PPME1: variants seen among roughly 807,000 people sequenced by gnomAD.
PPME1 encodes the protein protein phosphatase methylesterase 1.
In PPME1, 17 loss-of-function variants were observed where a neutral mutation model predicts 56.9. The observed-to-expected ratio is 0.30, with a 90% confidence interval of 0.20 to 0.45. The LOEUF (loss-of-function observed/expected upper bound fraction) is 0.45, where lower values mean the gene tolerates loss of function less well. PPME1 is among the 20% of genes least tolerant of loss of function. The pLI, the probability that PPME1 is intolerant of heterozygous loss-of-function variation, is 1.00. For synonymous variants in PPME1, 122 were observed against 156.2 expected (o/e 0.78, Z 1.63); for missense variants, 357 against 483.2 (o/e 0.74, Z 2.45).
chr11:74,197,224 A>G (rs995747128), intron 1 of PPME1, among the ~76,000 whole-genome samples: 4 of 152,232 alleles, frequency 2.6e-5, no homozygotes, highest in African/African-American at 9.6e-5. Context: ...ATTTAATAAT[A>G]GTAATAAATA....
intron 11 of PPME1, chr11:74,248,262 C>T (rs1254040845): frequency 4.6e-5 from 7 of 152,216 alleles, no homozygotes; most frequent in Non-Finnish European, 8.8e-5. Context: ...CAGGCAGAAT[C>T]TGTTCTAGAC....
chr11:74,220,262 T>C (rs939206549), intron 3 of PPME1, among the ~76,000 whole-genome samples: 1 of 152,142 alleles, frequency 6.6e-6, no homozygotes, highest in Non-Finnish European at 1.5e-5. Flanking sequence ...TCTGAGATAA[T>C]CTGGTGAAAT....
intron 1 of PPME1, among the ~76,000 whole-genome samples, chr11:74,197,461 A>G (rs1169452303): frequency 6.6e-6 from 1 of 152,218 alleles, no homozygotes; most frequent in Non-Finnish European, 1.5e-5. Context: ...GATTAGTTTT[A>G]TGATAAATAG....
At chr11:74,214,763 CTT>C (rs1239514044) in intron 3 of PPME1, among the ~76,000 whole-genome samples, 1 of 151,598 alleles carries the variant, frequency 6.6e-6, no homozygotes, top group Non-Finnish European at 1.5e-5. Context: ...AGAATAAAGA[CTT>C]TCCCAGACAC....
chr11:74,234,771 G>C (rs1038977750), intron 7 of PPME1, among the ~76,000 whole-genome samples: 4 of 152,226 alleles, frequency 2.6e-5, no homozygotes, highest in Non-Finnish European at 5.9e-5. Flanking sequence ...GGAGTAATAG[G>C]TAGTAGTGAA....
At chr11:74,243,918 AAAC>A (rs1414403188) in intron 9 of PPME1, among the ~76,000 whole-genome samples, 2 of 152,104 alleles carry the variant, frequency 1.3e-5, no homozygotes, top group African/African-American at 2.4e-5. Flanking sequence ...TATGCCTATT[AAAC>A]AACAACTCCC....
chr11:74,202,571 G>A (rs1021000492), intron 1 of PPME1, among the ~76,000 whole-genome samples: 12 of 152,110 alleles, frequency 7.9e-5, no homozygotes, highest in Admixed American at 4.6e-4. Flanking sequence ...AAGATGTCTG[G>A]CAAGAGGTAA....
chr11:74,232,675 T>TTC (rs1859097026), intron 7 of PPME1, among the ~76,000 whole-genome samples: 1 of 123,646 alleles, frequency 8.1e-6, no homozygotes, highest in African/African-American at 3.3e-5. Context: ...TTATCCAAAC[T>TTC]TTTTTTTTTT....
chr11:74,208,262 A>G (rs541422286), intron 3 of PPME1, among the ~76,000 whole-genome samples: 1 of 151,438 alleles, frequency 6.6e-6, no homozygotes, highest in South Asian at 2.1e-4. Flanking sequence ...CAGTGAGTCG[A>G]GATCGTGCCA....
intron 3 of PPME1, among the ~76,000 whole-genome samples, chr11:74,206,527 AAAG>A (rs1160890253): frequency 4.6e-5 from 7 of 152,192 alleles, no homozygotes; most frequent in Admixed American, 3.9e-4. Context: ...TGCCTGAAGA[AAAG>A]AAAGACTTGG....
intron 1 of PPME1, among the ~76,000 whole-genome samples, chr11:74,183,286 G>C (rs941427850): frequency 6.6e-6 from 1 of 152,110 alleles, no homozygotes; most frequent in African/African-American, 2.4e-5. Context: ...GACAGAGGGA[G>C]ACCCTGTCTC....
At chr11:74,196,825 T>C (rs1857994482) in intron 1 of PPME1, among the ~76,000 whole-genome samples, 1 of 152,218 alleles carries the variant, frequency 6.6e-6, no homozygotes, top group Non-Finnish European at 1.5e-5. Context: ...ATGGATATTA[T>C]AAACTTTAAA....
At chr11:74,204,237 C>A in intron 2 of PPME1, 116 bp from the exon 3 acceptor site, 1 of 727,934 alleles carries the variant, frequency 1.4e-6, no homozygotes, top group Non-Finnish European at 2.3e-6. Context: ...GCTTACATCT[C>A]TTACATTTGG....
At chr11:74,211,072 A>G (rs562813501) in intron 3 of PPME1, among the ~76,000 whole-genome samples, 1 of 152,378 alleles carries the variant, frequency 6.6e-6, no homozygotes, top group East Asian at 1.9e-4. Flanking sequence ...TGGAAATGTA[A>G]TAGGAAAAAT....
At chr11:74,189,569 A>G (rs944724470) in intron 1 of PPME1, among the ~76,000 whole-genome samples, 7 of 152,228 alleles carry the variant, frequency 4.6e-5, no homozygotes, top group Non-Finnish European at 8.8e-5. Flanking sequence ...GATTGCAGGC[A>G]TGAGCCACTG....
chr11:74,247,192 T>C (rs1859524655), intron 11 of PPME1, 69 bp downstream of exon 11: 2 of 1,353,900 alleles, frequency 1.5e-6, no homozygotes, highest in African/African-American at 2.9e-5. Flanking sequence ...GTTAACATCC[T>C]GAGATAGTGA....
At chr11:74,241,618 G>A (rs184726967) in intron 9 of PPME1, among the ~76,000 whole-genome samples, 18 of 152,304 alleles carry the variant, frequency 1.2e-4, no homozygotes, top group South Asian at 1.0e-3. Flanking sequence ...CAGTGTATGC[G>A]TGTTCCAGTT....
intron 1 of PPME1, among the ~76,000 whole-genome samples, chr11:74,176,509 C>T (rs1467040360): frequency 1.3e-5 from 2 of 151,350 alleles, no homozygotes; most frequent in East Asian, 3.9e-4. Context: ...TTTAAATGTA[C>T]AATTCAGTGA....
At chr11:74,222,940 T>C (rs1273416769) in intron 4 of PPME1, among the ~76,000 whole-genome samples, 1 of 148,748 alleles carries the variant, frequency 6.7e-6, no homozygotes, top group Non-Finnish European at 1.5e-5. Context: ...TCTTTTTTTT[T>C]TTAATTTTTT....
Sources: allele counts gnomAD v4.1 joint callset (sites outside exome capture counted in the v4.1 genomes callset), GRCh38; gene constraint gnomAD v4.1.1; transcripts MANE v1.5; gene names NCBI Gene and HGNC (gene_info 2026-07-23, HGNC 2026-07-21).